PLPP7: variants seen among roughly 807,000 people sequenced by gnomAD.
PLPP7 encodes the protein inactive phospholipid phosphatase 7.
A neutral mutation model predicts 16.9 loss-of-function variants in PLPP7; 11 were observed. The ratio of observed to expected loss-of-function variants is 0.65; its 90% CI spans 0.41 to 1.08. The LOEUF is 1.08. PLPP7 is among the 50% of genes least tolerant of loss of function. The pLI, the probability that PLPP7 is intolerant of heterozygous loss-of-function variation, is 0.00. For synonymous variants in PLPP7, 174 were observed against 175.1 expected, an observed-to-expected ratio of 0.99 and a Z score of 0.05; for missense variants, 358 against 397.1, an observed-to-expected ratio of 0.90 and a Z score of 0.84.
Position 131,291,268 on chromosome 9 carries a change from C to T in PLPP7, c.451+820C>T, listed in dbSNP as rs546591310. ...AAGCTTCCACCCTCCACGCCAGGCC[C>T]GCATCGATTTCCTTGTCTTTCCCGG... On this transcript the variant is annotated intron_variant, in intron 1 of 1. Transcript: ENST00000372264. 373 of 1,294,850 alleles carry T rather than the reference C, an allele frequency of 2.9e-4. 2 individuals carry two copies. In the African/African-American group the frequency reaches 4.9e-3, roughly 17 times the overall value. The allele number at this position is 1,294,850 out of a possible 1,614,324, so 80.2% of individuals were successfully genotyped here.
At chr9:131,297,977 T>A (rs922545182) in intron 1 of PLPP7, among the ~76,000 whole-genome samples, 3 of 152,196 alleles carry the variant, frequency 2.0e-5, no homozygotes, top group African/African-American at 7.2e-5. Flanking sequence ...AGTCGGGCTA[T>A]AAATATACAT....
chr9:131,305,541 G>A (rs1835844004), intron 1 of PLPP7, among the ~76,000 whole-genome samples: 2 of 151,902 alleles, frequency 1.3e-5, no homozygotes, highest in Admixed American at 6.6e-5. Context: ...GCAACAGAAA[G>A]AGACACCATC....
At chr9:131,304,105 C>T (rs1432649077) in intron 1 of PLPP7, among the ~76,000 whole-genome samples, 1 of 152,116 alleles carries the variant, frequency 6.6e-6, no homozygotes, top group African/African-American at 2.4e-5. Context: ...GATGCCACCC[C>T]CACCCCCAGG....
intron 1 of PLPP7, among the ~76,000 whole-genome samples, chr9:131,296,856 C>T (rs1835739738): frequency 6.6e-6 from 1 of 152,216 alleles, no homozygotes; most frequent in Non-Finnish European, 1.5e-5. Context: ...GCAGCTCTCC[C>T]ATCCCCTGCC....
chr9:131,307,765 A>C (rs555557223), intron 1 of PLPP7, among the ~76,000 whole-genome samples, 158 bp from the exon 2 acceptor site: 2 of 152,078 alleles, frequency 1.3e-5, no homozygotes, highest in Non-Finnish European at 2.9e-5. Context: ...GAGACAGCAA[A>C]GGCAACAGCC....
At chr9:131,306,797 C>T (rs1835858066) in intron 1 of PLPP7, among the ~76,000 whole-genome samples, 3 of 152,044 alleles carry the variant, frequency 2.0e-5, no homozygotes, top group Admixed American at 1.3e-4. Flanking sequence ...GTGGCTGCTT[C>T]GTGGGTATGG....
intron 1 of PLPP7, among the ~76,000 whole-genome samples, chr9:131,304,101 AC>A (rs1388095253): frequency 6.6e-6 from 1 of 151,340 alleles, no homozygotes; most frequent in African/African-American, 2.4e-5. Flanking sequence ...TGCTGATGCC[AC>A]CCCCACCCCC....
Position 131,289,838 on chromosome 9 carries a change from A to G in PLPP7, c.-160A>G. ...CCCTTGGAGCTGGGTGGCAGAGGAG[A>G]TAAACAGCCATGTGCAACTCTCCAC... On this transcript the variant is annotated 5_prime_UTR_variant, in exon 1 of 2. Coordinates refer to ENST00000372264, the MANE Select transcript of PLPP7 (RefSeq NM_032728.4). 1 of 512,468 alleles carries G rather than the reference A, an allele frequency of 2.0e-6. No individual in the cohort carries two copies. Among genetic ancestry groups the G allele is most frequent in the Non-Finnish European group, 3.1e-6 (1 of 326,918 alleles). The allele number at this position is 512,468 out of a possible 1,614,324, so 31.7% of individuals were successfully genotyped here.
Position 131,289,746 on chromosome 9 carries a change from C to G in PLPP7, c.-252C>G. On this transcript the variant is annotated 5_prime_UTR_variant, in exon 1 of 2. Coordinates refer to ENST00000372264, the MANE Select transcript of PLPP7 (RefSeq NM_032728.4). ...CCGCAGCTGTGGACTCCTCACCTCC[C>G]GGAGGCTCTGCTGGTGCAGGCCCCG... The G allele has an allele frequency of 5.1e-6, 2 of 392,444 alleles. No homozygotes were observed. Among genetic ancestry groups the G allele is most frequent in the Non-Finnish European group, 9.0e-6 (2 of 222,602 alleles). The allele number at this position is 392,444 out of a possible 1,614,324, so 24.3% of individuals were successfully genotyped here.
intron 1 of PLPP7, among the ~76,000 whole-genome samples, chr9:131,306,714 T>A (rs1835857125): frequency 6.6e-6 from 1 of 152,120 alleles, no homozygotes; most frequent in South Asian, 2.1e-4. Context: ...ACATGGAGTG[T>A]CTAGAGGAGG....
chr9:131,292,757 A>G, intron 1 of PLPP7: 2 of 977,396 alleles, frequency 2.0e-6, no homozygotes, highest in Non-Finnish European at 2.4e-6. Flanking sequence ...ATCACCAAGT[A>G]AAATAGCTCT....
rs773959295 is a variant in PLPP7, at chr9:131,308,130, T to G, written c.659T>G (p.Leu220Arg). ...GTGCCCCTGCGTGTGCTGCTGGTGC[T>G]CTGGGCCCTCTGCGTGGGCCTGTCC... ...LAVPLRVLLVLWALCVGLSRV... is the reference protein window; with the variant it reads ...LAVPLRVLLVRWALCVGLSRV... The change falls in exon 2 of 2, where the codon CTC (leucine) becomes CGC (arginine). Residue 220 changes from leucine to arginine, a missense_variant. Physicochemically the swap from Leu to Arg is moderately radical, Grantham distance 102 (BLOSUM62 -2). Transcript: ENST00000372264. 1.2e-6 allele frequency: 2 copies of G among 1,600,964 alleles called. No individual in the cohort carries two copies. The highest frequency in any genetic ancestry group is 2.2e-5 in the South Asian group (2 of 91,072).
rs148700702 is a variant in PLPP7, at chr9:131,305,907, G to A, written c.452-2016G>A. Among the ~76,000 whole-genome samples the A allele has an allele frequency of 4.6e-3, 707 of 152,128 alleles. 1 individual carries two copies. The highest frequency in any genetic ancestry group is 8.5e-3 in the Non-Finnish European group (577 of 67,984). On this transcript the variant is annotated intron_variant, in intron 1 of 1. Coordinates refer to ENST00000372264, the MANE Select transcript of PLPP7 (RefSeq NM_032728.4). ...GCCTCCCAAAGTGCTGGGATTATAA[G>A]TGTGACCCACCGTGCCCAGCCAGAG...
rs1835883854 is a variant in PLPP7 at position 131,308,555 on chromosome 9, C to G, written c.*268C>G. 1.5e-5 allele frequency: 8 copies of G among 517,598 alleles called. No individual in the cohort carries two copies. In the South Asian group the frequency reaches 1.9e-4, roughly 12 times the overall value. The allele number at this position is 517,598 out of a possible 1,614,324, so 32.1% of individuals were successfully genotyped here. On this transcript the variant is annotated 3_prime_UTR_variant, in exon 2 of 2. Coordinates refer to ENST00000372264, the MANE Select transcript of PLPP7 (RefSeq NM_032728.4). ...AGCCAGGACCCACCCATGGGGACAGCCCTATTTAGCTTCTGCTCTGGGAAC... is the reference window on the plus strand; with the variant it reads ...AGCCAGGACCCACCCATGGGGACAGGCCTATTTAGCTTCTGCTCTGGGAAC...
At position 131,308,349 on chromosome 9, in the gene PLPP7, G is replaced by T; in HGVS notation, c.*62G>T. ...GCTGGCCCTAGAGAAGGGGCAGGGG[G>T]TGGCGAGGTGGCGGGCGTGGGTGGA... On this transcript the variant is annotated 3_prime_UTR_variant, in exon 2 of 2. Transcript: ENST00000372264. The T allele has an allele frequency of 1.3e-6, 2 of 1,493,188 alleles. No homozygotes were observed. Among genetic ancestry groups the T allele is most frequent in the Non-Finnish European group, 1.8e-6 (2 of 1,123,778 alleles). 92.5% of individuals were successfully genotyped at this position (1,493,188 alleles called of 1,614,324 possible).
At chr9:131,301,346 G>A (rs966752160) in intron 1 of PLPP7, among the ~76,000 whole-genome samples, 2 of 152,174 alleles carry the variant, frequency 1.3e-5, no homozygotes, top group Non-Finnish European at 2.9e-5. Flanking sequence ...TAGGACAGAT[G>A]GCCCATGCCT....
chr9:131,290,988 A>T lies in PLPP7; in HGVS notation c.451+540A>T. The T allele has an allele frequency of 8.8e-7, 1 of 1,142,796 alleles. No individual in the cohort carries two copies. Among genetic ancestry groups the T allele is most frequent in the Non-Finnish European group, 1.2e-6 (1 of 821,972 alleles). 70.8% of individuals were successfully genotyped at this position (1,142,796 alleles called of 1,614,324 possible). Reference sequence around the variant, plus strand: ...CCCAGGGAGTTCCCCTGGGACTGCCACCCACTCACAGCCCCCTGGAGTTCT... The same window carrying T: ...CCCAGGGAGTTCCCCTGGGACTGCCTCCCACTCACAGCCCCCTGGAGTTCT... On this transcript the variant is annotated intron_variant, in intron 1 of 1. Coordinates refer to ENST00000372264, the MANE Select transcript of PLPP7 (RefSeq NM_032728.4). The surrounding 1 kb of genome is among the most constrained non-coding windows in gnomAD (Gnocchi z 4.2).
At chr9:131,296,854 C>T (rs1013568811) in intron 1 of PLPP7, among the ~76,000 whole-genome samples, 1 of 152,210 alleles carries the variant, frequency 6.6e-6, no homozygotes, top group African/African-American at 2.4e-5. Flanking sequence ...TGGCAGCTCT[C>T]CCATCCCCTG....
intron 1 of PLPP7, chr9:131,291,490 G>A: frequency 1.1e-6 from 1 of 913,362 alleles, no homozygotes; most frequent in African/African-American, 1.8e-5. Flanking sequence ...GACTCGGGGA[G>A]GCAGAAACCA....
Sources: allele counts gnomAD v4.1 joint callset (sites outside exome capture counted in the v4.1 genomes callset), GRCh38; gene constraint gnomAD v4.1.1; non-coding constraint Gnocchi (gnomAD v3.1); transcripts MANE v1.5; gene names NCBI Gene and HGNC (gene_info 2026-07-23, HGNC 2026-07-21).